Variants in PLBD2 observed in about 807,000 individuals in gnomAD.
PLBD2 encodes putative aminopeptidase PLBD2.
In PLBD2, 51 loss-of-function variants were observed where a neutral mutation model predicts 68.3. That is an observed-to-expected ratio of 0.75 (90% CI 0.60 to 0.94). The LOEUF (loss-of-function observed/expected upper bound fraction) is 0.94, where lower values mean the gene tolerates loss of function less well. Among genes scored for constraint, PLBD2 ranks in the 40% least tolerant of loss-of-function variants. The probability of loss-of-function intolerance (pLI) is 0.00; values close to 1 mark genes in which losing one functional copy is unlikely to be tolerated. For missense variants in PLBD2, 729 were observed against 792.2 expected (o/e 0.92, Z 0.96); for synonymous variants, 314 against 339.3 (o/e 0.93, Z 0.82).
intron 1 of PLBD2, among the ~76,000 whole-genome samples, chr12:113,368,854 G>A (rs1265878311): frequency 6.6e-6 from 1 of 152,096 alleles, no homozygotes; most frequent in Non-Finnish European, 1.5e-5. Context: ...GTGTTATTGT[G>A]GGTAAGGGAA....
At chr12:113,385,784 CCT>C (rs1331445107) in intron 9 of PLBD2, among the ~76,000 whole-genome samples, 1 of 152,046 alleles carries the variant, frequency 6.6e-6, no homozygotes, top group African/African-American at 2.4e-5. Context: ...AGAATCTTGC[CCT>C]GTCACCCAGG....
At chr12:113,359,567 G>A (rs1416198551) in intron 1 of PLBD2, 1 of 152,268 alleles carries the variant, frequency 6.6e-6, no homozygotes, top group Non-Finnish European at 1.5e-5. Flanking sequence ...CTTTATTGCT[G>A]GAACCCAGGC....
intron 1 of PLBD2, among the ~76,000 whole-genome samples, chr12:113,362,425 A>G (rs914917753): frequency 5.9e-5 from 9 of 152,084 alleles, no homozygotes; most frequent in South Asian, 2.1e-4. Flanking sequence ...AGACTGCGGA[A>G]GTGGGGTGCT....
intron 5 of PLBD2, among the ~76,000 whole-genome samples, chr12:113,375,647 A>G (rs969005948): frequency 6.6e-6 from 1 of 152,126 alleles, no homozygotes; most frequent in Non-Finnish European, 1.5e-5. Flanking sequence ...CTGATGCATC[A>G]GCAGTCTGCT....
chr12:113,359,987 C>T (rs1383763495), intron 1 of PLBD2, among the ~76,000 whole-genome samples: 2 of 152,130 alleles, frequency 1.3e-5, no homozygotes, highest in Non-Finnish European at 2.9e-5. Flanking sequence ...GGTCTGTGCT[C>T]AGACCACACT....
chr12:113,362,546 A>G (rs929959718), intron 1 of PLBD2, among the ~76,000 whole-genome samples: 1 of 151,758 alleles, frequency 6.6e-6, no homozygotes, highest in Non-Finnish European at 1.5e-5. Flanking sequence ...TCTTAGAGAC[A>G]TTAGCTGCCC....
chr12:113,386,500 C>T (rs536726095), intron 9 of PLBD2, among the ~76,000 whole-genome samples: 4 of 147,528 alleles, frequency 2.7e-5, no homozygotes, highest in Admixed American at 6.8e-5. Flanking sequence ...ATTACAGGCA[C>T]GTGCCACCAC....
At chr12:113,376,467 A>G (rs896242844) in intron 5 of PLBD2, among the ~76,000 whole-genome samples, 2 of 152,250 alleles carry the variant, frequency 1.3e-5, no homozygotes, top group East Asian at 1.9e-4. Context: ...CCTGGCTGAC[A>G]CAGCATTCTT....
chr12:113,376,659 A>G (rs983312822), intron 5 of PLBD2: 5 of 152,172 alleles, frequency 3.3e-5, no homozygotes, highest in African/African-American at 1.2e-4. Context: ...TTCCTGTCAA[A>G]TGTGAAAACT....
At chr12:113,387,157 T>C in intron 10 of PLBD2, 68 bp downstream of exon 10, 1 of 1,485,466 alleles carries the variant, frequency 6.7e-7, no homozygotes, top group South Asian at 1.4e-5. Flanking sequence ...CCTGTGCGCT[T>C]TTTGTACCAA....
At position 113,380,739 on chromosome 12, in the gene PLBD2, G is replaced by T; in HGVS notation, c.860-6G>T. ...CCAGCATCCCTGGCTCGCTCTGCCT[G>T]CACAGGGGACTACCCGCTGGTTCCC... On this transcript the variant is annotated splice_region_variant and splice_polypyrimidine_tract_variant and intron_variant, in intron 5 of 11. Coordinates refer to ENST00000280800, the MANE Select transcript of PLBD2 (RefSeq NM_173542.4). 1 of 1,548,290 alleles carries T rather than the reference G, an allele frequency of 6.5e-7. No homozygotes were observed.
chr12:113,362,203 G>T (rs1160204287), intron 1 of PLBD2, among the ~76,000 whole-genome samples: 1 of 152,076 alleles, frequency 6.6e-6, no homozygotes, highest in African/African-American at 2.4e-5. Flanking sequence ...TAAAAAATTA[G>T]CTGGGTGTGG....
At position 113,388,599 on chromosome 12, in the gene PLBD2, C is replaced by A; in HGVS notation, c.1743C>A (p.Phe581Leu). Residue 581 changes from phenylalanine to leucine, a missense_variant, in exon 12 of 12, where the codon TTC (phenylalanine) becomes TTA (leucine). Phe to Leu is a conservative substitution (Grantham distance 22, BLOSUM62 0). Coordinates refer to ENST00000280800, the MANE Select transcript of PLBD2 (RefSeq NM_173542.4). ...TGGGCCAGCCAGACCTCTGGAAGTTCGCGCCTGTCAAGGTTTCATGGGACT... is the reference window on the plus strand; with the variant it reads ...TGGGCCAGCCAGACCTCTGGAAGTTAGCGCCTGTCAAGGTTTCATGGGACT... ...LHMGQPDLWKFAPVKVSWD is the reference protein window; with the variant it reads ...LHMGQPDLWKLAPVKVSWD 1 of 1,596,468 alleles carries A rather than the reference C, an allele frequency of 6.3e-7. No individual in the cohort carries two copies. Among genetic ancestry groups the A allele is most frequent in the Non-Finnish European group, 8.5e-7 (1 of 1,170,168 alleles).
chr12:113,372,386 T>C lies in PLBD2; in HGVS notation c.385-263T>C, dbSNP rs1593283324. On this transcript the variant is annotated intron_variant, in intron 2 of 11. Coordinates refer to ENST00000280800, the MANE Select transcript of PLBD2 (RefSeq NM_173542.4). The surrounding 1 kb of genome is among the most constrained non-coding windows in gnomAD (Gnocchi z 4.2). ...TTGACTAACTGAACACACATATAGA[T>C]TGGGGTCCCCAGTAGCAGAGGTGGT... Among the ~76,000 whole-genome samples, 2 of 152,012 alleles carry C rather than the reference T, an allele frequency of 1.3e-5. No individual in the cohort carries two copies. The highest frequency in any genetic ancestry group is 4.2e-4 in the South Asian group (2 of 4,814).
intron 8 of PLBD2, 95 bp downstream of exon 8, chr12:113,385,041 C>A: frequency 7.3e-7 from 1 of 1,364,324 alleles, no homozygotes; most frequent in Non-Finnish European, 1.0e-6. Flanking sequence ...AGGAAGTGAA[C>A]GATCTCAGGA....
Position 113,374,774 on chromosome 12 carries a change from A to T in PLBD2, c.645-19A>T. The T allele has an allele frequency of 1.2e-6, 2 of 1,613,286 alleles. No individual in the cohort carries two copies. Among genetic ancestry groups the T allele is most frequent in the African/African-American group, 1.3e-5 (1 of 75,010 alleles). ...TCACAGCAGGCGTGGTAACCCTCTGATGCCCTGGCCCTCCTCAGCCTGCTG... is the reference window on the plus strand; with the variant it reads ...TCACAGCAGGCGTGGTAACCCTCTGTTGCCCTGGCCCTCCTCAGCCTGCTG... On this transcript the variant is annotated intron_variant, in intron 4 of 11. Transcript: ENST00000280800.
At chr12:113,379,760 T>C (rs1426998776) in intron 5 of PLBD2, among the ~76,000 whole-genome samples, 1 of 151,432 alleles carries the variant, frequency 6.6e-6, no homozygotes. Flanking sequence ...TGCAGTGAGC[T>C]GAGATCGCCC....
At position 113,372,688 on chromosome 12, in the gene PLBD2, T is replaced by C; in HGVS notation, c.424T>C (p.Cys142Arg). ...CTGGATGAACACGGTGGTGAATTAC[T>C]GCGGCCCCTTCGAGTATGAAGTCGG... ...MHWMNTVVNY[C>R]GPFEYEVGYC... The change falls in exon 3 of 12, where the codon TGC becomes CGC. Residue 142 changes from cysteine (C) to arginine (R), a missense_variant. Transcript: ENST00000280800. This position sits in a 1 kb window ranked among gnomAD's most constrained non-coding sequence, Gnocchi z 4.2. 1.2e-6 allele frequency: 2 copies of C among 1,610,890 alleles called. No individual in the cohort carries two copies. Among genetic ancestry groups the C allele is most frequent in the Non-Finnish European group, 1.7e-6 (2 of 1,177,998 alleles).
Position 113,385,217 on chromosome 12 carries a change from T to C in PLBD2, c.1220T>C (p.Met407Thr), listed in dbSNP as rs2136922960. ...VLTILEQIPGMVVVADKTSEL... is the reference protein window; with the variant it reads ...VLTILEQIPGTVVVADKTSEL... Reference sequence around the variant, plus strand: ...ATCTCTCTTCTCGGTCTCAGCGGCATGGTGGTGGTGGCTGACAAGACCTCG... The same window carrying C: ...ATCTCTCTTCTCGGTCTCAGCGGCACGGTGGTGGTGGCTGACAAGACCTCG... Residue 407 changes from methionine (M) to threonine (T), a missense_variant, in exon 9 of 12, where the codon ATG becomes ACG. Physicochemically the swap from Met to Thr is moderately conservative, Grantham distance 81. Transcript: ENST00000280800. 2 of 1,613,936 alleles carry C rather than the reference T, an allele frequency of 1.2e-6. No individual in the cohort carries two copies. The highest frequency in any genetic ancestry group is 2.2e-5 in the East Asian group (1 of 44,862).
Sources: allele counts gnomAD v4.1 joint callset (sites outside exome capture counted in the v4.1 genomes callset), GRCh38; gene constraint gnomAD v4.1.1; non-coding constraint Gnocchi (gnomAD v3.1); transcripts MANE v1.5; gene names NCBI Gene and HGNC (gene_info 2026-07-23, HGNC 2026-07-21).